SCNN1B: variants seen among roughly 807,000 people sequenced by gnomAD.
SCNN1B encodes sodium channel epithelial 1 subunit beta.
A neutral mutation model predicts 65.3 loss-of-function variants in SCNN1B; 46 were observed. The ratio of observed to expected loss-of-function variants is 0.70; its 90% confidence interval spans 0.56 to 0.90. The LOEUF (loss-of-function observed/expected upper bound fraction) is 0.90. SCNN1B is among the 40% of genes least tolerant of loss of function. The pLI is 0.00. For missense variants in SCNN1B, 751 were observed against 830.5 expected (o/e 0.90, Z 1.18); for synonymous variants, 349 against 330.6 (o/e 1.06, Z -0.60).
chr16:23,377,078 G>C lies in SCNN1B; in HGVS notation c.1271-87G>C, dbSNP rs1053950169. ...ACCTAACCACAGGGCCAGGAGAGCA[G>C]AGGGGCCAGCCAGAGGCTCAGCAGG... On this transcript the variant is annotated intron_variant, in intron 8 of 12. Coordinates refer to ENST00000343070, the MANE Select transcript of SCNN1B (RefSeq NM_000336.3). The C allele has an allele frequency of 3.4e-5, 41 of 1,211,178 alleles. No homozygotes were observed. In the Middle Eastern group the frequency reaches 6.6e-4, roughly 19 times the overall value. 75.0% of individuals were successfully genotyped at this position (1,211,178 alleles called of 1,614,324 possible). A position where few individuals can be genotyped will look rare whatever the true frequency, so the allele number is the denominator to read the frequency against.
At chr16:23,374,268 GAAA>G (rs1223701346) in intron 7 of SCNN1B, among the ~76,000 whole-genome samples, 111 of 60,458 alleles carry the variant, frequency 1.8e-3, no homozygotes, top group African/African-American at 4.2e-3. Flanking sequence ...CCTGTCTCAG[GAAA>G]AAAAAAAAAA....
At chr16:23,339,642 T>G (rs1250691150) in intron 1 of SCNN1B, among the ~76,000 whole-genome samples, 1 of 151,788 alleles carries the variant, frequency 6.6e-6, no homozygotes, top group African/African-American at 2.4e-5. Context: ...CTCGACTCAC[T>G]GCAACCTCTA....
chr16:23,320,022 C>T (rs1258572835), intron 1 of SCNN1B, among the ~76,000 whole-genome samples: 1 of 152,202 alleles, frequency 6.6e-6, no homozygotes, highest in East Asian at 1.9e-4. Flanking sequence ...GCTCAGATTA[C>T]AGGCGTGAGC....
At chr16:23,350,982 T>C (rs2142018363) in intron 2 of SCNN1B, among the ~76,000 whole-genome samples, 1 of 152,284 alleles carries the variant, frequency 6.6e-6, no homozygotes, top group African/African-American at 2.4e-5. Context: ...GGCTCAGGCT[T>C]GAAATCAGAG....
exon 1 of SCNN1B, chr16:23,278,279 A>G (rs191750780): frequency 6.6e-6 from 1 of 152,354 alleles, no homozygotes; most frequent in Non-Finnish European, 1.5e-5. Context: ...GCTAAGTGGA[A>G]GAAGTCAGGT....
intron 2 of SCNN1B, among the ~76,000 whole-genome samples, chr16:23,285,894 A>C (rs1960843280): frequency 6.6e-6 from 1 of 152,146 alleles, no homozygotes; most frequent in Non-Finnish European, 1.5e-5. Context: ...GAATCGCTTG[A>C]ACCCAGGAGG....
intron 1 of SCNN1B, among the ~76,000 whole-genome samples, chr16:23,280,932 T>G (rs114532350): frequency 3.1e-3 from 472 of 152,338 alleles, no homozygotes; most frequent in African/African-American, 0.011. Context: ...GTGGGCTACT[T>G]GAGGAGAGAG....
At position 23,302,323 on chromosome 16, in the gene SCNN1B, C is replaced by A. The variant is rs1961101096; in HGVS notation, c.-123C>A. On this transcript the variant is annotated 5_prime_UTR_variant, in exon 1 of 13. Coordinates refer to ENST00000343070, the MANE Select transcript of SCNN1B (RefSeq NM_000336.3). Reference sequence around the variant, plus strand: ...TCCCAGTCGGTCTCGCCGCGCTCGCCGGGTGTCCCAGTGTCACCAACACTC... The same window carrying A: ...TCCCAGTCGGTCTCGCCGCGCTCGCAGGGTGTCCCAGTGTCACCAACACTC... 6.5e-6 allele frequency: 1 copy of A among 154,590 alleles called. No individual in the cohort carries two copies. Among genetic ancestry groups the A allele is most frequent in the Non-Finnish European group, 1.4e-5 (1 of 69,406 alleles). 9.6% of individuals were successfully genotyped at this position (154,590 alleles called of 1,614,324 possible).
chr16:23,294,941 C>T (rs893051699), intron 2 of SCNN1B, among the ~76,000 whole-genome samples: 12 of 151,416 alleles, frequency 7.9e-5, no homozygotes, highest in African/African-American at 2.9e-4. Flanking sequence ...GGCAGTGAGC[C>T]GAGATCACAC....
At chr16:23,357,472 A>AGG (rs1962444258) in intron 4 of SCNN1B, among the ~76,000 whole-genome samples, 2 of 152,218 alleles carry the variant, frequency 1.3e-5, no homozygotes, top group Non-Finnish European at 2.9e-5. Flanking sequence ...AATCCCAGCT[A>AGG]CTTGGGAGGC....
At chr16:23,292,279 C>T (rs978821078) in intron 2 of SCNN1B, among the ~76,000 whole-genome samples, 5 of 151,386 alleles carry the variant, frequency 3.3e-5, no homozygotes, top group African/African-American at 7.3e-5. Flanking sequence ...CTGCAAGCTC[C>T]GCCTACAGGG....
chr16:23,372,945 CAA>C (rs374678974), intron 7 of SCNN1B, among the ~76,000 whole-genome samples: 7 of 140,170 alleles, frequency 5.0e-5, no homozygotes, highest in Admixed American at 7.1e-5. Context: ...ACTAAAAATA[CAA>C]AAAAAAAAAA....
At position 23,284,226 on chromosome 16, in the gene SCNN1B, G is replaced by A. The variant is rs189495370; in HGVS notation, n.178+422G>A. Among the ~76,000 whole-genome samples the A allele has an allele frequency of 1.6e-3, 245 of 152,098 alleles. 2 individuals are homozygous for A. The highest frequency in any genetic ancestry group is 5.2e-3 in the African/African-American group (216 of 41,530). On this transcript the variant is annotated intron_variant and non_coding_transcript_variant, in intron 2 of 3. Transcript: ENST00000569789. ...TCAAGACCAGCCTGGCCAACATGGCGAAAACCTGTGCCTACTAAAAGTACA... is the reference window on the plus strand; with the variant it reads ...TCAAGACCAGCCTGGCCAACATGGCAAAAACCTGTGCCTACTAAAAGTACA...
At chr16:23,296,777 A>C (rs1379655349) in intron 2 of SCNN1B, among the ~76,000 whole-genome samples, 2 of 152,138 alleles carry the variant, frequency 1.3e-5, no homozygotes, top group Non-Finnish European at 2.9e-5. Context: ...CAAGGCGGGC[A>C]GATCACGGGG....
intron 1 of SCNN1B, among the ~76,000 whole-genome samples, chr16:23,308,691 G>A (rs1961273348): frequency 1.3e-5 from 2 of 152,162 alleles, no homozygotes; most frequent in South Asian, 2.1e-4. Flanking sequence ...CTGGAGTGCA[G>A]TGGCACGAAC....
chr16:23,307,427 C>T (rs572149790), intron 1 of SCNN1B, among the ~76,000 whole-genome samples: 8 of 151,012 alleles, frequency 5.3e-5, no homozygotes, highest in Non-Finnish European at 1.0e-4. Context: ...TCAAGTGATG[C>T]TCCTGCCTCA....
chr16:23,299,271 G>A (rs949609653), upstream of SCNN1B, among the ~76,000 whole-genome samples: 3 of 151,944 alleles, frequency 2.0e-5, no homozygotes, highest in Non-Finnish European at 4.4e-5. Context: ...TGTTGCCCAG[G>A]CTGGTCTCGA....
At chr16:23,338,047 G>C (rs1246336919) in intron 1 of SCNN1B, among the ~76,000 whole-genome samples, 1 of 152,170 alleles carries the variant, frequency 6.6e-6, no homozygotes, top group Non-Finnish European at 1.5e-5. Flanking sequence ...ACTTCAACCT[G>C]TATGACAGAG....
In SCNN1B at chr16:23,352,946, A is replaced by G. The variant is rs1040570014; in HGVS notation, c.457A>G (p.Ile153Val). 1.3e-5 allele frequency: 21 copies of G among 1,614,170 alleles called. No individual in the cohort carries two copies. Among genetic ancestry groups the G allele is most frequent in the Non-Finnish European group, 1.7e-5 (20 of 1,180,030 alleles). The change falls in exon 3 of 13, where the codon ATT (isoleucine) becomes GTT (valine). Residue 153 changes from isoleucine (I) to valine (V), a missense_variant. Transcript: ENST00000343070. Reference protein sequence around the residue: ...SIWNHTPLVLIDERNPHHPMV... With the variant: ...SIWNHTPLVLVDERNPHHPMV... ...CTGGAACCACACACCCCTGGTCCTT[A>G]TTGATGAACGGAACCCCCACCACCC...
Sources: gnomAD v4.1 joint callset for allele counts (sites outside exome capture counted in the v4.1 genomes callset) on GRCh38, gnomAD v4.1.1 for gene constraint, MANE v1.5 for transcripts, NCBI Gene and HGNC (gene_info 2026-07-23, HGNC 2026-07-21) for gene names.